Variants in KMT2C observed in about 807,000 individuals in gnomAD.
The protein encoded by KMT2C is lysine methyltransferase 2C.
A neutral mutation model predicts 507.9 loss-of-function variants in KMT2C; 88 were observed. The ratio of observed to expected loss-of-function variants is 0.17; its 90% confidence interval spans 0.15 to 0.21. The LOEUF is 0.21. Among genes scored for constraint, KMT2C ranks in the 10% least tolerant of loss-of-function variants. The probability of loss-of-function intolerance (pLI) is 1.00; values close to 1 mark genes in which losing one functional copy is unlikely to be tolerated. For missense variants in KMT2C, 4,954 were observed against 5,957.8 expected (o/e 0.83, Z 5.55); for synonymous variants, 2,049 against 2,080.8 (o/e 0.98, Z 0.42).
intron 6 of KMT2C, among the ~76,000 whole-genome samples, chr7:152,289,565 T>A (rs1384987462): frequency 6.6e-6 from 1 of 152,182 alleles, no homozygotes; most frequent in Non-Finnish European, 1.5e-5. Context: ...CCACAATTAT[T>A]AAAACTTGAT....
chr7:152,204,579 A>G (rs1279268271), intron 25 of KMT2C, among the ~76,000 whole-genome samples: 1 of 150,110 alleles, frequency 6.7e-6, no homozygotes, highest in Non-Finnish European at 1.5e-5. Context: ...CCTGGGTGAC[A>G]TAGTGAGACC....
At chr7:152,222,333 G>A (rs1476976826) in intron 21 of KMT2C, among the ~76,000 whole-genome samples, 2 of 152,164 alleles carry the variant, frequency 1.3e-5, no homozygotes, top group African/African-American at 4.8e-5. Context: ...ATGTTCCTTG[G>A]AAGCAAAATT....
Position 152,388,053 on chromosome 7 carries a change from G to A in KMT2C, c.162-29378C>T, listed in dbSNP as rs2097448224. Among the ~76,000 whole-genome samples the A allele has an allele frequency of 2.0e-5, 3 of 150,200 alleles. No homozygotes were observed. The South Asian group carries it at 6.3e-4, about 31-fold the overall frequency. On this transcript the variant is annotated intron_variant, in intron 1 of 58. Coordinates refer to ENST00000262189, the MANE Select transcript of KMT2C (RefSeq NM_170606.3). ...TGAAATTCCCACATAATCATGTTAT[G>A]CAGTGAAGCTTTCTAGGCTGGGGGG...
At chr7:152,235,633 A>C (rs1415446263) in intron 16 of KMT2C, among the ~76,000 whole-genome samples, 184 bp downstream of exon 16, 3 of 152,300 alleles carry the variant, frequency 2.0e-5, no homozygotes, top group Non-Finnish European at 2.9e-5. Context: ...AGAAAAGAGA[A>C]AGGATGAGAA....
Position 152,148,825 on chromosome 7 carries a change from T to C in KMT2C, c.13102A>G (p.Lys4368Glu). ...KKWSIHIVIP[K>E]GTFKPPCEDE... ...TCACAAGGTGGTTTAAATGTCCCCT[T>C]AGGGATTACAATATGAATGCTCCAC... is the stretch of plus-strand genomic sequence containing the variant. Residue 4368 changes from lysine to glutamate, a missense_variant, in exon 52 of 59, where the codon AAG becomes GAG. Coordinates refer to ENST00000262189, the MANE Select transcript of KMT2C (RefSeq NM_170606.3). The surrounding 1 kb of genome is among the most constrained non-coding windows in gnomAD (Gnocchi z 7.1). 6.2e-7 allele frequency: 1 copy of C among 1,614,230 alleles called. No homozygotes were observed. The highest frequency in any genetic ancestry group is 8.5e-7 in the Non-Finnish European group (1 of 1,180,026).
At position 152,162,713 on chromosome 7, in the gene KMT2C, G is replaced by A; in HGVS notation, c.10864C>T (p.Pro3622Ser). ...RDDDAESTKA[P>S]STPHSDITAP... The stretch of plus-strand genomic sequence containing the variant: ...GTTATATCTGAATGGGGAGTTGATG[G>A]AGCCTTGGTGGATTCTGCATCATCA... Residue 3622 changes from proline to serine, a missense_variant, in exon 43 of 59, where the codon CCA becomes TCA. This residue lies in a region of KMT2C where 801 missense variants were observed against 751.2 expected (regional missense o/e 1.07). Transcript: ENST00000262189. The A allele has an allele frequency of 6.2e-7, 1 of 1,614,210 alleles. No homozygotes were observed. The highest frequency in any genetic ancestry group is 8.5e-7 in the Non-Finnish European group (1 of 1,180,038).
At chr7:152,435,435 G>T (rs932032196) in intron 1 of KMT2C, among the ~76,000 whole-genome samples, 191 bp downstream of exon 1, 4 of 147,388 alleles carry the variant, frequency 2.7e-5, no homozygotes, top group East Asian at 2.0e-4. Context: ...GCGGAGCGGG[G>T]GAGGCCGGGC....
chr7:152,315,543 A>G (rs149525973), intron 3 of KMT2C, among the ~76,000 whole-genome samples: 2 of 152,374 alleles, frequency 1.3e-5, no homozygotes, highest in East Asian at 1.9e-4. Flanking sequence ...ACTTTTCCAT[A>G]GCATTTTAAA....
At chr7:152,152,097 G>T (rs1032762829) in intron 49 of KMT2C, among the ~76,000 whole-genome samples, 3 of 152,196 alleles carry the variant, frequency 2.0e-5, no homozygotes, top group African/African-American at 7.2e-5. Context: ...AAGGAGCAGG[G>T]AAAAAGTGAC....
chr7:152,182,502 C>T lies in KMT2C; in HGVS notation c.5358G>A (p.Gln1786=), dbSNP rs1044666806. The T allele has an allele frequency of 1.9e-6, 3 of 1,613,786 alleles. No individual in the cohort carries two copies. The highest frequency in any genetic ancestry group is 2.2e-5 in the South Asian group (2 of 91,060). The change falls in exon 36 of 59, where the codon CAG becomes CAA. Residue 1786 remains glutamine (Q), a synonymous_variant. Transcript: ENST00000262189. ...VKNEQQQQQQ[Q]QFGSQHLLVQ... is the part of the protein sequence containing the mutation. ...CCAGAAGATGCTGAGAACCAAATTG[C>T]TGTTGTTGCTGCTGCTGCTGCTCAT...
At chr7:152,312,000 ATTTT>A (rs2096676175) in intron 4 of KMT2C, 54 bp from the exon 5 acceptor site, 13 of 1,429,492 alleles carry the variant, frequency 9.1e-6, no homozygotes, top group African/African-American at 2.8e-5. Context: ...AAATTGTTTC[ATTTT>A]TAACTGTTTA....
chr7:152,225,805 T>C (rs941546191), intron 18 of KMT2C, among the ~76,000 whole-genome samples: 1 of 152,160 alleles, frequency 6.6e-6, no homozygotes, highest in Non-Finnish European at 1.5e-5. Flanking sequence ...AACAGTACTT[T>C]AAAAACTAAT....
intron 4 of KMT2C, chr7:152,312,176 C>T (rs1296080418): frequency 6.1e-6 from 2 of 327,958 alleles, no homozygotes; most frequent in African/African-American, 4.3e-5. Flanking sequence ...TCCAAACCCA[C>T]AGGGAAGTAT....
intron 6 of KMT2C, among the ~76,000 whole-genome samples, chr7:152,294,126 T>TC (rs1354866573): frequency 6.6e-6 from 1 of 151,348 alleles, no homozygotes; most frequent in Non-Finnish European, 1.5e-5. Context: ...TGCCTCAGCC[T>TC]CCCAAAGTGC....
chr7:152,423,038 A>AG (rs2097787750), intron 1 of KMT2C, among the ~76,000 whole-genome samples: 2 of 151,298 alleles, frequency 1.3e-5, no homozygotes, highest in East Asian at 1.9e-4. Flanking sequence ...AAAGAAAAAA[A>AG]GAAAAAAAAA....
chr7:152,357,154 C>T (rs971127445), intron 2 of KMT2C, among the ~76,000 whole-genome samples: 2 of 147,618 alleles, frequency 1.4e-5, no homozygotes, highest in South Asian at 2.2e-4. Context: ...ATGAGCCCGG[C>T]GGGTGGAGGT....
rs933272592 is a variant in KMT2C at position 152,135,627 on chromosome 7, G to T, written c.*1205C>A. 3.5e-5 allele frequency: 8 copies of T among 226,268 alleles called. No homozygotes were observed. The highest frequency in any genetic ancestry group is 3.4e-4 in the Admixed American group (6 of 17,530). 14.0% of individuals were successfully genotyped at this position (226,268 alleles called of 1,614,324 possible). A position where few individuals can be genotyped will look rare whatever the true frequency, so the allele number is the denominator to read the frequency against. ...CATGATTCTCTGTGGCTGAAACAAA[G>T]TTCTAATCAAAACTACTTTTGCTGA... On this transcript the variant is annotated 3_prime_UTR_variant, in exon 59 of 59. Coordinates refer to ENST00000262189, the MANE Select transcript of KMT2C (RefSeq NM_170606.3).
intron 1 of KMT2C, among the ~76,000 whole-genome samples, chr7:152,432,170 G>T (rs1388328666): frequency 3.9e-5 from 6 of 152,290 alleles, no homozygotes; most frequent in Admixed American, 2.0e-4. Flanking sequence ...TAGTGCTTCA[G>T]AAATCCTATA....
chr7:152,262,351 C>A (rs536051647), intron 9 of KMT2C, among the ~76,000 whole-genome samples: 11 of 152,322 alleles, frequency 7.2e-5, no homozygotes, highest in African/African-American at 2.6e-4. Flanking sequence ...CATCCCTCAA[C>A]CTCGCAACAC....
Sources: allele counts gnomAD v4.1 joint callset (sites outside exome capture counted in the v4.1 genomes callset), GRCh38; gene constraint gnomAD v4.1.1; regional missense constraint gnomAD v4.1.1; non-coding constraint Gnocchi (gnomAD v3.1); transcripts MANE v1.5; gene names NCBI Gene and HGNC (gene_info 2026-07-23, HGNC 2026-07-21).